PRELID2: variants seen among roughly 807,000 people sequenced by gnomAD.
The protein encoded by PRELID2 is PRELI domain containing 2, also known as PRELI domain-containing protein 2.
A neutral mutation model predicts 28.4 loss-of-function variants in PRELID2; 25 were observed. The ratio of observed to expected loss-of-function variants is 0.88; its 90% CI spans 0.64 to 1.23. The LOEUF (loss-of-function observed/expected upper bound fraction) is 1.23, where lower values mean the gene tolerates loss of function less well. PRELID2 is among the 50% of genes most tolerant of loss of function. PRELID2 has a pLI of 0.00. For synonymous variants in PRELID2, 76 were observed against 71.6 expected, an observed-to-expected ratio of 1.06 and a Z score of -0.31; for missense variants, 201 against 214.4, an observed-to-expected ratio of 0.94 and a Z score of 0.39.
chr5:145,340,770 C>CATATATATATATATATATATATATATAT, the PRELID2 span, among the ~76,000 whole-genome samples: 3 of 116,528 alleles, frequency 2.6e-5, no homozygotes, highest in Admixed American at 9.3e-5. Context: ...TAAAAATATA[C>CATATATATATATATATATATATATATAT]ATATATATAT....
At chr5:145,752,937 C>T (rs576753782), downstream of PRELID2, among the ~76,000 whole-genome samples, 32 of 152,194 alleles carry the variant, frequency 2.1e-4, no homozygotes, top group Non-Finnish European at 4.3e-4. Context: ...AATTTCCCTA[C>T]AAACCACTGA....
At chr5:145,750,673 T>A (rs928217844) in intron 1 of PRELID2, among the ~76,000 whole-genome samples, 1 of 152,214 alleles carries the variant, frequency 6.6e-6, no homozygotes, top group African/African-American at 2.4e-5. Context: ...AATATGTGCA[T>A]TTTGTACACT....
the PRELID2 span, among the ~76,000 whole-genome samples, chr5:145,410,576 G>C: frequency 6.6e-6 from 1 of 152,110 alleles, no homozygotes; most frequent in Non-Finnish European, 1.5e-5. Flanking sequence ...GAGAGAGAAT[G>C]AGTTCTGATT....
chr5:145,375,395 G>GTAGAATCAT, the PRELID2 span, among the ~76,000 whole-genome samples: 1 of 152,244 alleles, frequency 6.6e-6, no homozygotes, highest in South Asian at 2.1e-4. Context: ...TCTGATGCCA[G>GTAGAATCAT]TAGAATCATT....
chr5:145,693,929 T>C (rs1755203597), intron 1 of PRELID2, among the ~76,000 whole-genome samples: 1 of 152,154 alleles, frequency 6.6e-6, no homozygotes, highest in African/African-American at 2.4e-5. Context: ...TCACAAGCAA[T>C]ATTTTGAGGC....
chr5:145,727,600 A>C (rs1291531500), intron 1 of PRELID2, among the ~76,000 whole-genome samples: 2 of 152,168 alleles, frequency 1.3e-5, no homozygotes, highest in Non-Finnish European at 2.9e-5. Flanking sequence ...TGGCTTCTGC[A>C]TCTGTAAACT....
chr5:145,396,844 G>A, the PRELID2 span, among the ~76,000 whole-genome samples: 1 of 149,130 alleles, frequency 6.7e-6, no homozygotes, highest in Admixed American at 6.6e-5. Context: ...AAGGTGAAGA[G>A]AAGCAGAAGA....
chr5:145,755,131 C>G (rs1360358495), downstream of PRELID2, among the ~76,000 whole-genome samples: 1 of 152,160 alleles, frequency 6.6e-6, no homozygotes. Context: ...AGACAAACTA[C>G]AATCATACCA....
At chr5:145,569,352 G>T (rs1184713692) in intron 1 of PRELID2, among the ~76,000 whole-genome samples, 1 of 152,162 alleles carries the variant, frequency 6.6e-6, no homozygotes, top group Non-Finnish European at 1.5e-5. Flanking sequence ...TAACATGTCT[G>T]GGTGGATCCA....
chr5:145,287,222 A>G, the PRELID2 span, among the ~76,000 whole-genome samples: 1 of 152,118 alleles, frequency 6.6e-6, no homozygotes, highest in Non-Finnish European at 1.5e-5. Context: ...TTTTTTTCCT[A>G]TGTATACATA....
the PRELID2 span, among the ~76,000 whole-genome samples, chr5:145,464,854 T>C: frequency 6.6e-6 from 1 of 152,098 alleles, no homozygotes; most frequent in African/African-American, 2.4e-5. Flanking sequence ...ATGAAATCCA[T>C]GGATTTAATA....
At chr5:145,481,112 G>GT (rs1415453397) in intron 1 of PRELID2, among the ~76,000 whole-genome samples, 2 of 151,972 alleles carry the variant, frequency 1.3e-5, no homozygotes, top group African/African-American at 2.4e-5. Context: ...TATAATTATC[G>GT]TAAGATAAAA....
chr5:145,332,563 A>G, the PRELID2 span, among the ~76,000 whole-genome samples: 3 of 151,628 alleles, frequency 2.0e-5, no homozygotes, highest in African/African-American at 7.3e-5. Flanking sequence ...TGATTTGGCT[A>G]TTGATACTTG....
chr5:145,271,527 T>A, the PRELID2 span, among the ~76,000 whole-genome samples: 5 of 152,202 alleles, frequency 3.3e-5, no homozygotes, highest in Non-Finnish European at 7.3e-5. Flanking sequence ...TACCTATCTT[T>A]ATTAAGATTT....
chr5:145,335,357 G>A, the PRELID2 span, among the ~76,000 whole-genome samples: 4 of 151,566 alleles, frequency 2.6e-5, no homozygotes, highest in Admixed American at 6.6e-5. Context: ...ATTTTTTTAT[G>A]TATTGTTTTT....
chr5:145,335,698 C>G, the PRELID2 span, among the ~76,000 whole-genome samples: 1 of 152,124 alleles, frequency 6.6e-6, no homozygotes, highest in Non-Finnish European at 1.5e-5. Context: ...ATAGCAAAAG[C>G]AGTTCTAAGA....
chr5:145,747,151 A>G lies in PRELID2; in HGVS notation n.70+17780T>C, dbSNP rs10053920. ...CAGAGGCAGGAGCAAACTAATCCAA[A>G]AGCTAGCAGAAGACAAGAAATAACT... On this transcript the variant is annotated intron_variant and non_coding_transcript_variant, in intron 1 of 2. Coordinates refer to the PRELID2 transcript ENST00000510259. Among the ~76,000 whole-genome samples the G allele has an allele frequency of 9.3e-3, 1,422 of 152,132 alleles. 14 individuals are homozygous for G. Among genetic ancestry groups the G allele is most frequent in the African/African-American group, 0.031 (1,306 of 41,466 alleles).
At chr5:145,715,716 G>A (rs1229370365) in intron 1 of PRELID2, among the ~76,000 whole-genome samples, 3 of 152,110 alleles carry the variant, frequency 2.0e-5, no homozygotes, top group Admixed American at 6.6e-5. Context: ...AAGCCTTTGC[G>A]TGTGCTAGTC....
the PRELID2 span, among the ~76,000 whole-genome samples, chr5:145,401,882 C>T: frequency 3.3e-5 from 5 of 152,168 alleles, no homozygotes; most frequent in Non-Finnish European, 4.4e-5. Flanking sequence ...CTTTCCCTCT[C>T]GCTACTTCGA....
Sources: gnomAD v4.1 joint callset for allele counts (sites outside exome capture counted in the v4.1 genomes callset) on GRCh38, gnomAD v4.1.1 for gene constraint, MANE v1.5 for transcripts, NCBI Gene and HGNC (gene_info 2026-07-23, HGNC 2026-07-21) for gene names.